The following TRIM25 variants were observed in gnomAD, a reference collection of about 807,000 sequenced individuals.
The protein encoded by TRIM25 is tripartite motif containing 25, also known as E3 ubiquitin/ISG15 ligase TRIM25.
In TRIM25, 45 loss-of-function variants were observed where a neutral mutation model predicts 65.2. That is an observed-to-expected ratio of 0.69 (90% CI 0.54 to 0.89). TRIM25 has a LOEUF of 0.89. Ranked by LOEUF, TRIM25 falls within the 40% of genes least tolerant of loss-of-function variation. The pLI is 0.00. For missense variants in TRIM25, 714 were observed against 803.7 expected (o/e 0.89, Z 1.35); for synonymous variants, 321 against 340.4 (o/e 0.94, Z 0.63).
intron 5 of TRIM25, among the ~76,000 whole-genome samples, 182 bp from the exon 6 acceptor site, chr17:56,896,134 G>A (rs1022576857): frequency 8.5e-5 from 13 of 152,212 alleles, no homozygotes; most frequent in Admixed American, 4.6e-4. Context: ...ATGAGCGGTC[G>A]TGGGGGCGGG....
intron 1 of TRIM25, 75 bp from the exon 2 acceptor site, chr17:56,908,638 C>T: frequency 7.0e-7 from 1 of 1,427,462 alleles, no homozygotes. Flanking sequence ...CTGGAACTAT[C>T]CCACAGGATA....
rs1037486508 is a variant in TRIM25 at position 56,891,652 on chromosome 17, G to T, written c.*48C>A. ...AGTTCTGCCTGCTGTATTTTCACTA[G>T]GGTCTTGGGACTTCTGCAGGCAGTC... On this transcript the variant is annotated 3_prime_UTR_variant, in exon 9 of 9. Coordinates refer to ENST00000316881, the MANE Select transcript of TRIM25 (RefSeq NM_005082.5). The T allele has an allele frequency of 6.5e-7, 1 of 1,531,810 alleles. No homozygotes were observed. 94.9% of individuals were successfully genotyped at this position (1,531,810 alleles called of 1,614,324 possible).
chr17:56,910,363 G>A (rs995813263), intron 1 of TRIM25, among the ~76,000 whole-genome samples: 1 of 152,194 alleles, frequency 6.6e-6, no homozygotes, highest in Non-Finnish European at 1.5e-5. Flanking sequence ...AGCCCAAGCT[G>A]CTCATGATGT....
In TRIM25 at chr17:56,908,473, C is replaced by T. The variant is rs762502765; in HGVS notation, c.688G>A (p.Val230Met). 80 of 1,613,738 alleles carry T rather than the reference C, an allele frequency of 5.0e-5. No individual in the cohort carries two copies. The highest frequency in any genetic ancestry group is 6.3e-5 in the Non-Finnish European group (74 of 1,180,032). ...LDDVRNRQQD[V>M]RMTANRKVEQ... is the part of the protein sequence containing the mutation. ...TGGAGAGCCCTGCCACTCACCCGCA[C>T]ATCCTGCTGCCTGTTTCTCACATCA... The change falls in exon 2 of 9, where the codon GTG (valine) becomes ATG (methionine). Residue 230 changes from valine to methionine, a missense_variant. By Grantham distance (21) the Val-to-Met change is conservative. Coordinates refer to ENST00000316881, the MANE Select transcript of TRIM25 (RefSeq NM_005082.5).
rs921486132 is a variant in TRIM25, at chr17:56,899,155, C to T, written c.1113G>A (p.Ala371=). The change falls in exon 5 of 9, where the codon GCG becomes GCA. Residue 371 remains alanine, a synonymous_variant. Transcript: ENST00000316881. ...CAGGGCGTGTGGATTTGTGTGTGGA[C>T]GCTGGGTCATGCTCTCCAGGGTCAC... The part of the protein sequence containing the change: ...SSGDPGEHDP[A]STHKSTRPVK... 1.2e-5 allele frequency: 20 copies of T among 1,613,998 alleles called. 1 individual carries two copies. The highest frequency in any genetic ancestry group is 1.6e-4 in the Middle Eastern group (1 of 6,084).
In TRIM25 at chr17:56,895,909, A is replaced by G. The variant is rs775302272; in HGVS notation, c.1180+17T>C. 29 of 1,610,270 alleles carry G rather than the reference A, an allele frequency of 1.8e-5. No homozygotes were observed. The highest frequency in any genetic ancestry group is 8.9e-5 in the East Asian group (4 of 44,864). ...GCAGTCTCAAGAAACGAACAGTTGC[A>G]GAAATGCATAACTTACGAGGTTTCT... On this transcript the variant is annotated intron_variant, in intron 6 of 8. Coordinates refer to ENST00000316881, the MANE Select transcript of TRIM25 (RefSeq NM_005082.5).
intron 4 of TRIM25, 135 bp downstream of exon 4, chr17:56,901,284 C>A: frequency 1.0e-6 from 1 of 990,110 alleles, no homozygotes; most frequent in East Asian, 2.5e-5. Flanking sequence ...AGACAGAGGG[C>A]GGATGTTTCA....
At chr17:56,904,970 A>G (rs1047575676) in intron 2 of TRIM25, among the ~76,000 whole-genome samples, 2 of 152,258 alleles carry the variant, frequency 1.3e-5, no homozygotes, top group East Asian at 1.9e-4. Flanking sequence ...AGAAACAAAC[A>G]GAATGGCTAT....
At chr17:56,911,528 C>T (rs1379967944) in intron 1 of TRIM25, among the ~76,000 whole-genome samples, 2 of 150,140 alleles carry the variant, frequency 1.3e-5, no homozygotes, top group Admixed American at 6.7e-5. Context: ...TGCAGTGAGC[C>T]GAGACCGCAC....
chr17:56,890,991 C>T lies in TRIM25; in HGVS notation c.*709G>A, dbSNP rs183431609. ...CCATGACCCTGAATCACAAATCCAA[C>T]ACAGGCTGATTCCAATCATGGTTTG... On this transcript the variant is annotated 3_prime_UTR_variant, in exon 9 of 9. Transcript: ENST00000316881. 11 of 440,198 alleles carry T rather than the reference C, an allele frequency of 2.5e-5. No homozygotes were observed. The East Asian group carries it at 7.8e-4, about 31-fold the overall frequency. The allele number at this position is 440,198 out of a possible 1,614,324, so 27.3% of individuals were successfully genotyped here. A position where few individuals can be genotyped will look rare whatever the true frequency, so the allele number is the denominator to read the frequency against.
chr17:56,890,308 G>A lies in TRIM25; in HGVS notation c.*1392C>T, dbSNP rs1050458198. On this transcript the variant is annotated 3_prime_UTR_variant, in exon 9 of 9. Coordinates refer to ENST00000316881, the MANE Select transcript of TRIM25 (RefSeq NM_005082.5). ...CATCCATTCACTCCCGCCCCTTAGT[G>A]GACTGGGTTATTTTCACCACACAGA... 1.5e-5 allele frequency: 5 copies of A among 340,680 alleles called. No individual in the cohort carries two copies. Among genetic ancestry groups the A allele is most frequent in the African/African-American group, 1.1e-4 (5 of 46,392 alleles). The allele number at this position is 340,680 out of a possible 1,614,324, so 21.1% of individuals were successfully genotyped here.
chr17:56,898,860 G>T, intron 5 of TRIM25: 1 of 484,052 alleles, frequency 2.1e-6, no homozygotes, highest in Non-Finnish European at 3.8e-6. Context: ...AAGGACTTGG[G>T]TATAGTAAAT....
At position 56,892,011 on chromosome 17, in the gene TRIM25, T is replaced by C; in HGVS notation, c.1582A>G (p.Ile528Val). 6.2e-7 allele frequency: 1 copy of C among 1,614,194 alleles called. No individual in the cohort carries two copies. The highest frequency in any genetic ancestry group is 8.5e-7 in the Non-Finnish European group (1 of 1,180,030). The change falls in exon 9 of 9, where the codon ATC becomes GTC. Residue 528 changes from isoleucine to valine, a missense_variant. Physicochemically the swap from Ile to Val is conservative, Grantham distance 29 (BLOSUM62 3). Around this residue, in one of 3 missense-constraint regions of TRIM25, gnomAD observed 413 missense variants for 498.2 expected, o/e 0.83. Transcript: ENST00000316881. Reference protein sequence around the residue: ...LQKNNFCGVGICYGSMNRQGP... With the variant: ...LQKNNFCGVGVCYGSMNRQGP... ...TGCCGGTTCATGCTTCCGTAGCAGA[T>C]GCCTACCCCACAGAAGTTGTTCTTC...
chr17:56,897,978 C>T (rs1265568887), intron 5 of TRIM25, among the ~76,000 whole-genome samples: 1 of 152,232 alleles, frequency 6.6e-6, no homozygotes, highest in African/African-American at 2.4e-5. Context: ...GTGACCTGAA[C>T]ACTAAGCACA....
intron 5 of TRIM25, among the ~76,000 whole-genome samples, chr17:56,896,232 T>G (rs1909289979): frequency 6.6e-6 from 1 of 152,072 alleles, no homozygotes. Flanking sequence ...ATGTATGCAT[T>G]TGTCAAAATA....
At position 56,891,148 on chromosome 17, in the gene TRIM25, G is replaced by A. The variant is rs562659594; in HGVS notation, c.*552C>T. The A allele has an allele frequency of 3.4e-5, 12 of 355,978 alleles. No homozygotes were observed. The East Asian group carries it at 8.9e-4, about 26-fold the overall frequency. 22.1% of individuals were successfully genotyped at this position (355,978 alleles called of 1,614,324 possible). A position where few individuals can be genotyped will look rare whatever the true frequency, so the allele number is the denominator to read the frequency against. On this transcript the variant is annotated 3_prime_UTR_variant, in exon 9 of 9. Transcript: ENST00000316881. Reference sequence around the variant, plus strand: ...CCTCTTTAGGAAACTGTTCTGGGTAGAGACTGCTGTGGGTGTTTCCTCAAG... The same window carrying A: ...CCTCTTTAGGAAACTGTTCTGGGTAAAGACTGCTGTGGGTGTTTCCTCAAG...
chr17:56,893,702 G>A (rs930252750), intron 8 of TRIM25, among the ~76,000 whole-genome samples: 2 of 152,220 alleles, frequency 1.3e-5, no homozygotes, highest in South Asian at 2.1e-4. Flanking sequence ...CCTTGACAAC[G>A]GAACTCCACC....
At chr17:56,911,322 T>C (rs1909623786) in intron 1 of TRIM25, among the ~76,000 whole-genome samples, 1 of 151,424 alleles carries the variant, frequency 6.6e-6, no homozygotes, top group African/African-American at 2.4e-5. Flanking sequence ...TGGCTCACGC[T>C]TGTAATCCCA....
In TRIM25 at chr17:56,895,925, C is replaced by T. The variant is rs1403459723; in HGVS notation, c.1180+1G>A. On this transcript the variant is annotated splice_donor_variant, in intron 6 of 8. Transcript: ENST00000316881. LOFTEE classifies it high-confidence loss of function. ...AACAGTTGCAGAAATGCATAACTTACGAGGTTTCTTGGATTTCTTTTCCTC... is the reference window on the plus strand; with the variant it reads ...AACAGTTGCAGAAATGCATAACTTATGAGGTTTCTTGGATTTCTTTTCCTC... 1.6e-5 allele frequency: 26 copies of T among 1,612,580 alleles called. No individual in the cohort carries two copies. The highest frequency in any genetic ancestry group is 3.4e-5 in the Admixed American group (2 of 59,688).
Sources: gnomAD v4.1 joint callset for allele counts (sites outside exome capture counted in the v4.1 genomes callset) on GRCh38, gnomAD v4.1.1 for gene constraint, gnomAD v4.1.1 regional missense constraint, MANE v1.5 for transcripts, NCBI Gene and HGNC (gene_info 2026-07-23, HGNC 2026-07-21) for gene names.